KCNK2: variants seen among roughly 807,000 people sequenced by gnomAD.
KCNK2 encodes potassium two pore domain channel subfamily K member 2.
Under a neutral mutation model 40.5 loss-of-function variants are expected in KCNK2, and 21 were observed. The observed-to-expected ratio is 0.52, with a 90% confidence interval of 0.37 to 0.75. The LOEUF is 0.75. KCNK2 is among the 30% of genes least tolerant of loss of function. The pLI, the probability that KCNK2 is intolerant of heterozygous loss-of-function variation, is 0.00. For synonymous variants in KCNK2, 191 were observed against 202.2 expected, an observed-to-expected ratio of 0.94 and a Z score of 0.47; for missense variants, 399 against 531.6, an observed-to-expected ratio of 0.75 and a Z score of 2.45.
intron 6 of KCNK2, 137 bp downstream of exon 6, chr1:215,195,229 G>C (rs1194922730): frequency 1.5e-6 from 1 of 680,654 alleles, no homozygotes; most frequent in South Asian, 2.9e-5. Flanking sequence ...TGAATTTGCT[G>C]TATTAGGCTA....
chr1:215,048,163 T>A (rs959550737), intron 1 of KCNK2, among the ~76,000 whole-genome samples: 1 of 152,200 alleles, frequency 6.6e-6, no homozygotes, highest in African/African-American at 2.4e-5. Context: ...AATGAACACA[T>A]AGCTGCGTAC....
At chr1:215,083,457 A>C (rs765834306) in intron 1 of KCNK2, 26 bp downstream of exon 1, 2 of 1,538,938 alleles carry the variant, frequency 1.3e-6, no homozygotes, top group Non-Finnish European at 1.8e-6. Flanking sequence ...CGGTACCCCC[A>C]CCCCTCTGGC....
intron 3 of KCNK2, among the ~76,000 whole-genome samples, chr1:215,165,719 G>A (rs6684084): frequency 0.72 from 109,314 of 151,980 alleles, 39,664 homozygotes; most frequent in African/African-American, 0.73. Context: ...TAACTAAGGA[G>A]TGATGGTTCC....
intron 6 of KCNK2, among the ~76,000 whole-genome samples, chr1:215,204,900 A>G (rs1184928007): frequency 6.6e-6 from 1 of 152,126 alleles, no homozygotes; most frequent in Non-Finnish European, 1.5e-5. Context: ...AGTGGATGGG[A>G]CCCTAATTGT....
chr1:215,143,311 T>A (rs1238679473), intron 3 of KCNK2, among the ~76,000 whole-genome samples: 2 of 152,104 alleles, frequency 1.3e-5, no homozygotes, highest in African/African-American at 4.8e-5. Context: ...GACTTTGAGG[T>A]CACACAGATT....
chr1:215,059,436 A>G (rs947187312), intron 1 of KCNK2, among the ~76,000 whole-genome samples: 4 of 152,148 alleles, frequency 2.6e-5, no homozygotes, highest in African/African-American at 9.7e-5. Context: ...TAATTTGGTA[A>G]GTTAGTAATG....
chr1:215,044,797 G>A (rs1657691240), intron 1 of KCNK2, among the ~76,000 whole-genome samples: 1 of 43,988 alleles, frequency 2.3e-5, no homozygotes, highest in African/African-American at 5.1e-5. Flanking sequence ...ATAAGTGTAT[G>A]TGTGTGTGTG....
chr1:215,089,921 G>T (rs1659621144), intron 2 of KCNK2, among the ~76,000 whole-genome samples: 1 of 151,628 alleles, frequency 6.6e-6, no homozygotes, highest in Non-Finnish European at 1.5e-5. Context: ...CTGCCTCTTG[G>T]GTTCAAGTGA....
chr1:215,019,359 GA>G (rs948324482), intron 1 of KCNK2, among the ~76,000 whole-genome samples: 65 of 152,204 alleles, frequency 4.3e-4, no homozygotes, highest in Middle Eastern at 3.4e-3. Flanking sequence ...CACATATAAA[GA>G]AAAAAACCTG....
intron 1 of KCNK2, among the ~76,000 whole-genome samples, chr1:215,067,309 A>G (rs1454342678): frequency 6.6e-6 from 1 of 152,188 alleles, no homozygotes; most frequent in Non-Finnish European, 1.5e-5. Flanking sequence ...AAAAAATTAC[A>G]TGATATATAT....
At chr1:215,214,086 C>T (rs1004178220) in intron 6 of KCNK2, among the ~76,000 whole-genome samples, 9 of 152,100 alleles carry the variant, frequency 5.9e-5, no homozygotes, top group African/African-American at 1.7e-4. Context: ...TGGTTGGCGT[C>T]GTATTAGTCC....
At chr1:215,223,287 G>A (rs1666260584) in intron 6 of KCNK2, among the ~76,000 whole-genome samples, 2 of 139,770 alleles carry the variant, frequency 1.4e-5, no homozygotes, top group Admixed American at 7.3e-5. Flanking sequence ...AAGTATTATC[G>A]ATACTTGAGT....
chr1:215,160,217 C>T (rs1663131027), intron 3 of KCNK2, among the ~76,000 whole-genome samples: 1 of 151,972 alleles, frequency 6.6e-6, no homozygotes, highest in Non-Finnish European at 1.5e-5. Context: ...AAGAGAAAGC[C>T]CTGTTTTTCT....
chr1:215,026,752 A>T (rs1434820032), intron 1 of KCNK2, among the ~76,000 whole-genome samples: 1 of 152,000 alleles, frequency 6.6e-6, no homozygotes, highest in Non-Finnish European at 1.5e-5. Flanking sequence ...TTAAGTTTTT[A>T]TGCAATTCAA....
intron 1 of KCNK2, among the ~76,000 whole-genome samples, chr1:215,018,558 G>T (rs892614325): frequency 1.3e-5 from 2 of 152,068 alleles, no homozygotes; most frequent in Non-Finnish European, 2.9e-5. Flanking sequence ...CTTTAAAAAC[G>T]ATAGTTAAAT....
At chr1:215,160,472 C>T (rs1379109288) in intron 3 of KCNK2, among the ~76,000 whole-genome samples, 1 of 152,156 alleles carries the variant, frequency 6.6e-6, no homozygotes, top group Admixed American at 6.6e-5. Context: ...TCCAGGAGCA[C>T]AGGTTTATTG....
intron 6 of KCNK2, among the ~76,000 whole-genome samples, chr1:215,218,075 G>A (rs1666027429): frequency 6.6e-6 from 1 of 152,188 alleles, no homozygotes; most frequent in South Asian, 2.1e-4. Context: ...GAGGAGTGAA[G>A]GAAGGAGTCA....
Position 215,083,230 on chromosome 1 carries a change from T to TCCC in KCNK2, c.-154_-152dup. The TCCC allele has an allele frequency of 3.6e-6, 3 of 828,140 alleles. No homozygotes were observed. The highest frequency in any genetic ancestry group is 2.8e-5 in the Admixed American group (1 of 36,362). 51.3% of individuals were successfully genotyped at this position (828,140 alleles called of 1,614,324 possible). A position where few individuals can be genotyped will look rare whatever the true frequency, so the allele number is the denominator to read the frequency against. On this transcript the variant is annotated 5_prime_UTR_variant, in exon 1 of 7. Transcript: ENST00000444842. ...CCCCCTCCCGCGTCCAGCCCCGCTC[T>TCCC]CCCCACCTTGTAAAACAAAGCCGGG...
intron 1 of KCNK2, among the ~76,000 whole-genome samples, chr1:215,051,609 G>T (rs1312418255): frequency 1.3e-5 from 2 of 152,178 alleles, no homozygotes; most frequent in Non-Finnish European, 2.9e-5. Context: ...TGCTTGACCA[G>T]AAACCTGGAG....
Sources: allele counts gnomAD v4.1 joint callset (sites outside exome capture counted in the v4.1 genomes callset), GRCh38; gene constraint gnomAD v4.1.1; transcripts MANE v1.5; gene names NCBI Gene and HGNC (gene_info 2026-07-23, HGNC 2026-07-21).